SLC49A3: variants seen among roughly 807,000 people sequenced by gnomAD.
SLC49A3 encodes the protein solute carrier family 49 member 3, also known as solute carrier family 49 member A3.
Under a neutral mutation model 43.8 loss-of-function variants are expected in SLC49A3, and 50 were observed. The ratio of observed to expected loss-of-function variants is 1.14; its 90% CI spans 0.91 to 1.45. The LOEUF (loss-of-function observed/expected upper bound fraction) is 1.45, where lower values mean the gene tolerates loss of function less well. SLC49A3 is among the 40% of genes most tolerant of loss of function. The probability of loss-of-function intolerance (pLI) is 0.00; values close to 1 mark genes in which losing one functional copy is unlikely to be tolerated. For synonymous variants in SLC49A3, 413 were observed against 352.0 expected (o/e 1.17, Z -1.94); for missense variants, 906 against 774.1 (o/e 1.17, Z -2.02).
At chr4:683,071 C>A in intron 8 of SLC49A3, 139 bp downstream of exon 8, 1 of 1,248,674 alleles carries the variant, frequency 8.0e-7, no homozygotes, top group South Asian at 1.4e-5. Flanking sequence ...TGCTCAGAAC[C>A]TGCTCGGCCC....
downstream of SLC49A3, chr4:680,570 G>A (rs971109643): frequency 5.6e-6 from 9 of 1,613,294 alleles, no homozygotes; most frequent in African/African-American, 2.7e-5. Flanking sequence ...ACGGGAAAGG[G>A]AAAATCAACA....
Position 686,648 on chromosome 4 carries a change from C to G in SLC49A3, c.178G>C (p.Asp60His), listed in dbSNP as rs1486094355. 6 of 1,613,156 alleles carry G rather than the reference C, an allele frequency of 3.7e-6. No individual in the cohort carries two copies. In the Admixed American group the frequency reaches 1.0e-4, roughly 27 times the overall value. The change falls in exon 2 of 10, where the codon GAC becomes CAC. Residue 60 changes from aspartate to histidine, a missense_variant. Coordinates refer to ENST00000322224, the MANE Select transcript of SLC49A3 (RefSeq NM_032219.4). ...FAPVADVIAEDLVLSMEQINW... is the reference protein window; with the variant it reads ...FAPVADVIAEHLVLSMEQINW... The stretch of plus-strand genomic sequence containing the variant: ...ATCTGCTCCATGGACAGGACCAAGT[C>G]CTCAGCAATGACGTCAGCCACAGGT...
intron 1 of SLC49A3, 160 bp downstream of exon 1, chr4:688,833 A>ACAGTGCCCC: frequency 8.2e-7 from 1 of 1,216,284 alleles, no homozygotes; most frequent in Admixed American, 3.6e-5. Flanking sequence ...TCCAGGACAG[A>ACAGTGCCCC]CAGTGCCCCC....
In SLC49A3 at chr4:682,866, CATG is replaced by C. The variant is rs1183042683; in HGVS notation, c.1173_1175del (p.Ile391del). 1 of 1,601,810 alleles carries C rather than the reference CATG, an allele frequency of 6.2e-7. No individual in the cohort carries two copies. The highest frequency in any genetic ancestry group is 8.5e-7 in the Non-Finnish European group (1 of 1,172,348). On this transcript the variant is annotated inframe_deletion, in exon 9 of 10. Transcript: ENST00000322224. ...GCACAGTCAGTGCCGTCATTGCCAG[CATG>C]ATGAGTATTCCCTCGGCCTGCCTGG...
upstream of SLC49A3, among the ~76,000 whole-genome samples, chr4:689,734 G>C (rs532961154): frequency 6.6e-6 from 1 of 152,348 alleles, no homozygotes; most frequent in South Asian, 2.1e-4. Flanking sequence ...CGCCACACAC[G>C]CACCGGATTG....
chr4:682,100 C>A lies in SLC49A3; in HGVS notation c.1538G>T (p.Arg513Leu), dbSNP rs1437767338. Residue 513 changes from arginine (R) to leucine (L), a missense_variant, in exon 10 of 10, where the codon CGA becomes CTA. Arg to Leu is a moderately radical substitution (Grantham distance 102). Coordinates refer to ENST00000322224, the MANE Select transcript of SLC49A3 (RefSeq NM_032219.4). ...GPGSPHPACH[R>L]ATPRAQGPAA... is the part of the protein sequence containing the mutation. ...TGGGCCTTGCGCACGGGGAGTCGCT[C>A]GGTGGCAGGCTGGGTGGGGGCTCCC... is the stretch of plus-strand genomic sequence containing the variant. 1.5e-6 allele frequency: 2 copies of A among 1,375,108 alleles called. No individual in the cohort carries two copies. The highest frequency in any genetic ancestry group is 3.0e-5 in the Admixed American group (1 of 33,108). The allele number at this position is 1,375,108 out of a possible 1,614,324, so 85.2% of individuals were successfully genotyped here.
At chr4:681,788 C>T, downstream of SLC49A3, 1 of 1,233,796 alleles carries the variant, frequency 8.1e-7, no homozygotes, top group Non-Finnish European at 1.0e-6. Flanking sequence ...GGCCCCTCCC[C>T]GCTCCCCCTC....
At chr4:686,853 G>A (rs920846318) in intron 1 of SLC49A3, among the ~76,000 whole-genome samples, 163 bp from the exon 2 acceptor site, 3 of 152,142 alleles carry the variant, frequency 2.0e-5, no homozygotes, top group African/African-American at 7.2e-5. Flanking sequence ...GCGCCACCCT[G>A]CCTCCCCCGA....
chr4:678,208 TTGCGG>T, downstream of SLC49A3: 1 of 1,511,452 alleles, frequency 6.6e-7, no homozygotes, highest in Non-Finnish European at 8.9e-7. Flanking sequence ...GTGTGTGACC[TTGCGG>T]GTGTGGGCTG....
At chr4:681,645 G>C (rs1231943759), downstream of SLC49A3, among the ~76,000 whole-genome samples, 1 of 2,540 alleles carries the variant, frequency 3.9e-4, no homozygotes, top group African/African-American at 1.2e-3. Flanking sequence ...GCGCCGCCCC[G>C]CCCCCTCCAG....
At chr4:680,566 A>C (rs202132200), downstream of SLC49A3, 136 of 1,613,368 alleles carry the variant, frequency 8.4e-5, no homozygotes, top group African/African-American at 1.7e-3. Flanking sequence ...CCGGACGGGA[A>C]AGGGAAAATC....
At chr4:688,223 T>C (rs1398173237) in intron 1 of SLC49A3, among the ~76,000 whole-genome samples, 1 of 152,102 alleles carries the variant, frequency 6.6e-6, no homozygotes, top group African/African-American at 2.4e-5. Context: ...AGGCAGCCCC[T>C]GGGCCCATCC....
chr4:686,778 C>T, intron 1 of SLC49A3, 88 bp from the exon 2 acceptor site: 1 of 1,502,286 alleles, frequency 6.7e-7, no homozygotes, highest in Non-Finnish European at 9.0e-7. Flanking sequence ...GGTCAGAGTG[C>T]CAGCAGCCCC....
chr4:684,014 C>T (rs1228022822), intron 6 of SLC49A3, among the ~76,000 whole-genome samples: 1 of 152,232 alleles, frequency 6.6e-6, no homozygotes, highest in African/African-American at 2.4e-5. Flanking sequence ...GGCCGTGGTG[C>T]CTGTGGCCCT....
chr4:682,460 C>T, intron 9 of SLC49A3, 84 bp from the exon 10 acceptor site: 4 of 1,262,376 alleles, frequency 3.2e-6, no homozygotes, highest in Non-Finnish European at 4.1e-6. Flanking sequence ...TATGGTGACC[C>T]CACTACCCTT....
At chr4:680,660 C>A (rs1739378793), downstream of SLC49A3, 1 of 1,493,100 alleles carries the variant, frequency 6.7e-7, no homozygotes, top group Non-Finnish European at 9.2e-7. Flanking sequence ...CCAAAAGGGA[C>A]AGTCAGCCAC....
chr4:680,701 C>G (rs1046748499), downstream of SLC49A3: 6 of 1,109,674 alleles, frequency 5.4e-6, no homozygotes, highest in African/African-American at 9.4e-5. Context: ...CCACCTCTGA[C>G]CAGCTTCAGG....
downstream of SLC49A3, chr4:678,099 G>A (rs939036510): frequency 9.4e-6 from 15 of 1,587,344 alleles, no homozygotes; most frequent in South Asian, 4.5e-5. Flanking sequence ...GTGTACATGC[G>A]CACAGACGAG....
chr4:679,552 G>GTGA (rs1393397552), downstream of SLC49A3, among the ~76,000 whole-genome samples: 3 of 152,206 alleles, frequency 2.0e-5, no homozygotes, highest in East Asian at 5.8e-4. Flanking sequence ...AGGGCAGGGG[G>GTGA]CTTCGGTCCT....
Sources: allele counts gnomAD v4.1 joint callset (sites outside exome capture counted in the v4.1 genomes callset), GRCh38; gene constraint gnomAD v4.1.1; transcripts MANE v1.5; gene names NCBI Gene and HGNC (gene_info 2026-07-23, HGNC 2026-07-21).